Variants in C13orf46 observed in about 807,000 individuals in gnomAD.
C13orf46 encodes uncharacterized protein C13orf46.
chr13:113,943,188 CA>C, the C13orf46 span, among the ~76,000 whole-genome samples: 1 of 123,138 alleles, frequency 8.1e-6, no homozygotes, highest in African/African-American at 2.6e-5. Context: ...ATTCTGAGCC[CA>C]AGACAAGTGA....
the C13orf46 span, chr13:113,927,861 G>A: frequency 1.2e-4 from 45 of 367,144 alleles, 1 homozygote; most frequent in South Asian, 4.2e-3. Context: ...GTCAAGATCC[G>A]GGGAAGATTC....
At chr13:113,935,906 G>A in the C13orf46 span, among the ~76,000 whole-genome samples, 1 of 152,258 alleles carries the variant, frequency 6.6e-6, no homozygotes, top group African/African-American at 2.4e-5. Flanking sequence ...CGTGATCACA[G>A]ACAATCCTTG....
intron 1 of C13orf46, 31 bp from the exon 2 acceptor site, chr13:113,970,253 A>G (rs2052689918): frequency 6.6e-6 from 1 of 152,312 alleles, no homozygotes; most frequent in Non-Finnish European, 1.5e-5. Flanking sequence ...CGTCAGCACC[A>G]TTACACCGCA....
intron 6 of C13orf46, among the ~76,000 whole-genome samples, chr13:113,963,444 GCCCCTGTCCTCAGCTTCA>G (rs1163192545): frequency 1.1e-4 from 12 of 113,984 alleles, no homozygotes; most frequent in African/African-American, 3.3e-4. Context: ...CTCAGCCTCG[GCCCCTGTCCTCAGCTTCA>G]CCCCTGTCCT....
chr13:113,932,869 C>A, the C13orf46 span, among the ~76,000 whole-genome samples: 1 of 152,054 alleles, frequency 6.6e-6, no homozygotes, highest in South Asian at 2.1e-4. Context: ...TGACCTATTA[C>A]AATTTTTTTT....
At chr13:113,930,865 G>C in the C13orf46 span, among the ~76,000 whole-genome samples, 2 of 152,198 alleles carry the variant, frequency 1.3e-5, no homozygotes, top group African/African-American at 4.8e-5. Context: ...CCTGGCGGCC[G>C]CTCCTTCTCC....
the C13orf46 span, among the ~76,000 whole-genome samples, chr13:113,937,052 T>C: frequency 6.6e-6 from 1 of 152,270 alleles, no homozygotes; most frequent in African/African-American, 2.4e-5. Context: ...GAAGGGTTAT[T>C]ATCATTTAAG....
the C13orf46 span, among the ~76,000 whole-genome samples, chr13:113,945,575 A>AAGAGAGAGAGAG: frequency 1.2e-4 from 11 of 89,138 alleles, no homozygotes; most frequent in African/African-American, 4.6e-4. Context: ...GAAAGAAAGA[A>AAGAGAGAGAGAG]AGAGAGAGAG....
At chr13:113,946,056 G>GCAGGGCAGT in the C13orf46 span, among the ~76,000 whole-genome samples, 8 of 111,942 alleles carry the variant, frequency 7.1e-5, no homozygotes, top group Non-Finnish European at 1.3e-4. Context: ...CACCGTGAGT[G>GCAGGGCAGT]AATGCCGCGT....
chr13:113,936,791 G>A, the C13orf46 span, among the ~76,000 whole-genome samples: 1 of 152,138 alleles, frequency 6.6e-6, no homozygotes, highest in Non-Finnish European at 1.5e-5. Flanking sequence ...TGGCACCAGG[G>A]AGGCTGACCG....
At chr13:113,934,099 T>A in the C13orf46 span, among the ~76,000 whole-genome samples, 1 of 152,082 alleles carries the variant, frequency 6.6e-6, no homozygotes, top group South Asian at 2.1e-4. Flanking sequence ...CCGGCGTCAC[T>A]CATCCTTTCA....
chr13:113,929,671 A>T, the C13orf46 span, among the ~76,000 whole-genome samples: 18 of 152,186 alleles, frequency 1.2e-4, no homozygotes, highest in Non-Finnish European at 2.6e-4. Flanking sequence ...ATCACTGACC[A>T]CGCAGGGCCA....
rs2052589927 is a variant in C13orf46, at chr13:113,961,910, G to A, written c.572+3017C>T. ...ACTCTGGAACTATGAACTGTGCAGAGCTATGTGTGATCTGTGGCTACTCTG... is the reference window on the plus strand; with the variant it reads ...ACTCTGGAACTATGAACTGTGCAGAACTATGTGTGATCTGTGGCTACTCTG... On this transcript the variant is annotated intron_variant, in intron 6 of 6. Transcript: ENST00000636427. Among the ~76,000 whole-genome samples the A allele has an allele frequency of 2.0e-5, 3 of 151,882 alleles. No individual in the cohort carries two copies. In the South Asian group the frequency reaches 6.3e-4, roughly 32 times the overall value.
chr13:113,934,060 C>A, the C13orf46 span, among the ~76,000 whole-genome samples: 1 of 152,114 alleles, frequency 6.6e-6, no homozygotes, highest in Non-Finnish European at 1.5e-5. Flanking sequence ...GTGTGCCCCG[C>A]GGGGCCCTTC....
At chr13:113,964,279 G>C (rs1350445227) in intron 6 of C13orf46, among the ~76,000 whole-genome samples, 3 of 152,180 alleles carry the variant, frequency 2.0e-5, no homozygotes, top group Admixed American at 6.5e-5. Flanking sequence ...TTTGTGTGTT[G>C]CTTAAAATAA....
intron 1 of C13orf46, among the ~76,000 whole-genome samples, chr13:113,970,806 T>C (rs1440924718): frequency 6.6e-6 from 1 of 152,152 alleles, no homozygotes; most frequent in Non-Finnish European, 1.5e-5. Context: ...GATCTTTACC[T>C]TGATGTGACA....
chr13:113,937,091 C>T, the C13orf46 span, among the ~76,000 whole-genome samples: 2 of 152,220 alleles, frequency 1.3e-5, no homozygotes, highest in Non-Finnish European at 2.9e-5. Context: ...CCAGAGTTAG[C>T]TTGGCCCAAG....
At chr13:113,930,396 C>CGAGGCGGGGGCGCGGGAGCACT in the C13orf46 span, among the ~76,000 whole-genome samples, 2 of 113,340 alleles carry the variant, frequency 1.8e-5, no homozygotes, top group African/African-American at 6.8e-5. Flanking sequence ...GCAGGAGCAC[C>CGAGGCGGGGGCGCGGGAGCACT]GAGGCGGGGG....
chr13:113,937,306 C>T, the C13orf46 span, among the ~76,000 whole-genome samples: 4 of 152,204 alleles, frequency 2.6e-5, no homozygotes, highest in African/African-American at 7.2e-5. Flanking sequence ...GCCACAGCCA[C>T]CAGCCAGAGT....
Sources: gnomAD v4.1 joint callset for allele counts (sites outside exome capture counted in the v4.1 genomes callset) on GRCh38, gnomAD v4.1.1 for gene constraint, MANE v1.5 for transcripts, NCBI Gene and HGNC (gene_info 2026-07-23, HGNC 2026-07-21) for gene names.